The following HGD variants were observed in gnomAD, a reference collection of about 807,000 sequenced individuals.
HGD encodes homogentisate oxidase.
In HGD, 61 loss-of-function variants were observed where a neutral mutation model predicts 60.8. That is an observed-to-expected ratio of 1.00 (90% CI 0.82 to 1.24). The LOEUF (loss-of-function observed/expected upper bound fraction) is 1.24. Ranked by LOEUF, HGD falls within the 50% of genes most tolerant of loss-of-function variation. The pLI, the probability that HGD is intolerant of heterozygous loss-of-function variation, is 0.00. For synonymous variants in HGD, 212 were observed against 187.7 expected, an observed-to-expected ratio of 1.13 and a Z score of -1.06; for missense variants, 542 against 547.1, an observed-to-expected ratio of 0.99 and a Z score of 0.09.
At chr3:120,635,335 G>T (rs967637427) in intron 12 of HGD, among the ~76,000 whole-genome samples, 2 of 151,988 alleles carry the variant, frequency 1.3e-5, no homozygotes, top group African/African-American at 4.8e-5. Flanking sequence ...AAATTAGCCG[G>T]GCGTGGTAGC....
rs71133513 is a variant in HGD, at chr3:120,664,426, C to CTTTT, written c.282+5997_282+6000dup. 7.2e-4 allele frequency among the ~76,000 whole-genome samples: 86 copies of CTTTT among 118,800 alleles called. 4 individuals carry two copies. Among genetic ancestry groups the CTTTT allele is most frequent in the South Asian group, 5.5e-4 (2 of 3,634 alleles). 77.9% of individuals were successfully genotyped at this position (118,800 alleles called of 152,430 possible). A position where few individuals can be genotyped will look rare whatever the true frequency, so the allele number is the denominator to read the frequency against. ...TTCTTTCCTTCTTTCTTTTTTCTTC[C>CTTTT]TTTTTTTTTTTTTTTTTCTGAGATA... On this transcript the variant is annotated intron_variant, in intron 4 of 13. Coordinates refer to ENST00000283871, the MANE Select transcript of HGD (RefSeq NM_000187.4).
At chr3:120,667,249 C>T (rs1276088265) in intron 4 of HGD, among the ~76,000 whole-genome samples, 1 of 145,174 alleles carries the variant, frequency 6.9e-6, no homozygotes, top group African/African-American at 2.6e-5. Flanking sequence ...TCATCTGAGC[C>T]TGGGAAGTCA....
At chr3:120,672,637 GTA>G (rs1708048644) in intron 3 of HGD, among the ~76,000 whole-genome samples, 1 of 152,156 alleles carries the variant, frequency 6.6e-6, no homozygotes, top group Admixed American at 6.6e-5. Flanking sequence ...CCAGCTCCCA[GTA>G]TATGAAGTTC....
chr3:120,669,380 T>A (rs1014494073), intron 4 of HGD, among the ~76,000 whole-genome samples: 2 of 151,716 alleles, frequency 1.3e-5, no homozygotes, highest in Non-Finnish European at 2.9e-5. Flanking sequence ...TTCTAGTAAG[T>A]CCGAACTACT....
At chr3:120,632,444 C>T (rs1940620193) in intron 13 of HGD, among the ~76,000 whole-genome samples, 1 of 152,188 alleles carries the variant, frequency 6.6e-6, no homozygotes, top group African/African-American at 2.4e-5. Flanking sequence ...TGTGTTCAGC[C>T]TCAATGTTTA....
At chr3:120,648,413 G>T (rs923024650) in intron 6 of HGD, among the ~76,000 whole-genome samples, 1 of 152,224 alleles carries the variant, frequency 6.6e-6, no homozygotes, top group Non-Finnish European at 1.5e-5. Context: ...TTGACCCAAA[G>T]AGAGGCCTCC....
At chr3:120,650,743 G>T in intron 6 of HGD, 31 bp downstream of exon 6, 2 of 1,527,564 alleles carry the variant, frequency 1.3e-6, no homozygotes, top group Non-Finnish European at 1.8e-6. Context: ...TAGAAGATGG[G>T]CATGTCCTTC....
In HGD at chr3:120,652,633, C is replaced by G. The variant is rs1321767548; in HGVS notation, c.301G>C (p.Glu101Gln). ...TTCTTCTGAGATGCTTTTGGAATCT[C>G]AAATGGTTTCCATCTAAGCTGGAAA... ...DPNQLRWKPFEIPKASQKKVD... is the reference protein window; with the variant it reads ...DPNQLRWKPFQIPKASQKKVD... Residue 101 changes from glutamate to glutamine, a missense_variant, in exon 5 of 14, where the codon GAG becomes CAG. This residue lies in a region of HGD where 537 missense variants were observed against 529.1 expected (regional missense o/e 1.01). Coordinates refer to ENST00000283871, the MANE Select transcript of HGD (RefSeq NM_000187.4). The G allele has an allele frequency of 2.5e-6, 4 of 1,612,914 alleles. No individual in the cohort carries two copies. The African/African-American group carries it at 4.0e-5, about 16-fold the overall frequency.
intron 6 of HGD, 27 bp downstream of exon 6, chr3:120,650,747 G>A: frequency 6.4e-7 from 1 of 1,559,196 alleles, no homozygotes; most frequent in Non-Finnish European, 8.9e-7. Context: ...AGATGGGCAT[G>A]TCCTTCCCTA....
chr3:120,631,291 GC>G (rs2107487075), intron 13 of HGD, among the ~76,000 whole-genome samples: 1 of 152,144 alleles, frequency 6.6e-6, no homozygotes, highest in Non-Finnish European at 1.5e-5. Context: ...GCATTTGATA[GC>G]ATAACAGGGT....
Position 120,641,709 on chromosome 3 carries a change from A to T in HGD, c.775-16T>A, listed in dbSNP as rs995182027. ...GGGAGACATCCTAAACACAAAAAGC[A>T]GGAAAGGATAATTTTACCATCTAAT... On this transcript the variant is annotated splice_polypyrimidine_tract_variant and intron_variant, in intron 10 of 13. Coordinates refer to ENST00000283871, the MANE Select transcript of HGD (RefSeq NM_000187.4). 6.4e-7 allele frequency: 1 copy of T among 1,554,462 alleles called. No homozygotes were observed. The highest frequency in any genetic ancestry group is 1.4e-5 in the African/African-American group (1 of 73,750).
At chr3:120,632,429 G>A (rs1940619819) in intron 13 of HGD, among the ~76,000 whole-genome samples, 1 of 152,250 alleles carries the variant, frequency 6.6e-6, no homozygotes, top group Non-Finnish European at 1.5e-5. Flanking sequence ...GCAGCCAGCT[G>A]CAATTGTGTT....
intron 4 of HGD, among the ~76,000 whole-genome samples, chr3:120,656,184 C>A (rs1941490101): frequency 6.6e-6 from 1 of 152,138 alleles, no homozygotes. Flanking sequence ...CAAAGAGGAG[C>A]CTCACAAGAC....
intron 1 of HGD, among the ~76,000 whole-genome samples, chr3:120,680,766 C>T (rs1434564004): frequency 6.6e-6 from 1 of 152,186 alleles, no homozygotes; most frequent in Non-Finnish European, 1.5e-5. Flanking sequence ...ATTTGGCTGA[C>T]ACAGTTTTGG....
At chr3:120,656,066 C>T (rs925588534) in intron 4 of HGD, among the ~76,000 whole-genome samples, 2 of 152,056 alleles carry the variant, frequency 1.3e-5, no homozygotes, top group African/African-American at 2.4e-5. Context: ...AATGTGGGGC[C>T]CTAATCTGAT....
At chr3:120,675,996 T>C (rs1708123411) in intron 1 of HGD, 133 bp from the exon 2 acceptor site, 1 of 740,986 alleles carries the variant, frequency 1.3e-6, no homozygotes, top group South Asian at 1.4e-5. Flanking sequence ...ATAATATCTT[T>C]ACTGTGTCTT....
chr3:120,675,975 A>C, intron 1 of HGD, 112 bp from the exon 2 acceptor site: 1 of 783,252 alleles, frequency 1.3e-6, no homozygotes, highest in Non-Finnish European at 2.3e-6. Context: ...TTTGTGTATG[A>C]TGTTCCACAT....
chr3:120,628,297 C>T lies in HGD; in HGVS notation c.*83G>A. 3 of 1,459,222 alleles carry T rather than the reference C, an allele frequency of 2.1e-6. No homozygotes were observed. The highest frequency in any genetic ancestry group is 2.3e-5 in the South Asian group (2 of 87,104). The allele number at this position is 1,459,222 out of a possible 1,614,324, so 90.4% of individuals were successfully genotyped here. ...GTGAATTTTCATTTTAACCAACCCC[C>T]TCCTCCAATACTACCAGAAAGCATG... On this transcript the variant is annotated 3_prime_UTR_variant, in exon 14 of 14. Transcript: ENST00000283871.
At chr3:120,667,675 G>A (rs904558737) in intron 4 of HGD, among the ~76,000 whole-genome samples, 1 of 152,096 alleles carries the variant, frequency 6.6e-6, no homozygotes, top group Non-Finnish European at 1.5e-5. Flanking sequence ...AAGGTTGAGA[G>A]GCTTAGAAAA....
Sources: gnomAD v4.1 joint callset for allele counts (sites outside exome capture counted in the v4.1 genomes callset) on GRCh38, gnomAD v4.1.1 for gene constraint, gnomAD v4.1.1 regional missense constraint, MANE v1.5 for transcripts, NCBI Gene and HGNC (gene_info 2026-07-23, HGNC 2026-07-21) for gene names.